TECRL: variants seen among roughly 807,000 people sequenced by gnomAD.
The protein encoded by TECRL is trans-2,3-enoyl-CoA reductase like, also known as trans-2,3-enoyl-CoA reductase-like.
Under a neutral mutation model 52.8 loss-of-function variants are expected in TECRL, and 63 were observed. The observed-to-expected ratio is 1.19, with a 90% CI of 0.97 to 1.47. The LOEUF (loss-of-function observed/expected upper bound fraction) is 1.47, where lower values mean the gene tolerates loss of function less well. Among genes scored for constraint, TECRL ranks in the 40% most tolerant of loss-of-function variants. The pLI is 0.00. For missense variants in TECRL, 482 were observed against 429.6 expected, an observed-to-expected ratio of 1.12 and a Z score of -1.08; for synonymous variants, 164 against 141.9, an observed-to-expected ratio of 1.16 and a Z score of -1.10.
chr4:64,355,520 C>A (rs111584428), intron 2 of TECRL, among the ~76,000 whole-genome samples: 15 of 152,026 alleles, frequency 9.9e-5, no homozygotes, highest in Non-Finnish European at 2.2e-4. Context: ...TAAAACAGGC[C>A]GGGCACCGTG....
intron 8 of TECRL, among the ~76,000 whole-genome samples, chr4:64,293,422 C>T (rs1375779464): frequency 6.6e-6 from 1 of 151,916 alleles, no homozygotes; most frequent in Non-Finnish European, 1.5e-5. Flanking sequence ...TGCAGCATAC[C>T]GTGCTCTACA....
rs1723186446 is a variant in TECRL, at chr4:64,288,305, A to G, written c.832+1405T>C. On this transcript the variant is annotated intron_variant, in intron 9 of 11. Transcript: ENST00000381210. Reference sequence around the variant, plus strand: ...TGAGAGCCTTGAAGATGAGGAGCATAGTGACCGGCTATCAGAAGTTGACAT... The same window carrying G: ...TGAGAGCCTTGAAGATGAGGAGCATGGTGACCGGCTATCAGAAGTTGACAT... Among the ~76,000 whole-genome samples, 3 of 152,148 alleles carry G rather than the reference A, an allele frequency of 2.0e-5. No individual in the cohort carries two copies. The South Asian group carries it at 6.2e-4, about 32-fold the overall frequency.
intron 4 of TECRL, among the ~76,000 whole-genome samples, chr4:64,321,841 G>A (rs1035181644): frequency 2.6e-5 from 4 of 152,048 alleles, no homozygotes; most frequent in African/African-American, 4.8e-5. Flanking sequence ...CTTTTTCATG[G>A]TCAGTTGCCA....
chr4:64,349,421 T>C (rs1577915807), intron 2 of TECRL, among the ~76,000 whole-genome samples: 1 of 152,032 alleles, frequency 6.6e-6, no homozygotes, highest in African/African-American at 2.4e-5. Flanking sequence ...GTGAGCCACC[T>C]CCCCCAGCCT....
chr4:64,402,644 C>T (rs1269062937), intron 1 of TECRL, among the ~76,000 whole-genome samples: 3 of 151,902 alleles, frequency 2.0e-5, no homozygotes, highest in Non-Finnish European at 4.4e-5. Flanking sequence ...TCCTGAAACT[C>T]AAGAAATAAA....
At position 64,373,268 on chromosome 4, in the gene TECRL, C is replaced by A. The variant is rs757979480; in HGVS notation, c.286+1904G>T. On this transcript the variant is annotated intron_variant, in intron 2 of 11. Coordinates refer to ENST00000381210, the MANE Select transcript of TECRL (RefSeq NM_001010874.5). ...ATAATTTTGAAAAAGTGAAAAAAGTCACTATTTAAGTAAAGCTGTTAAAGA... is the reference window on the plus strand; with the variant it reads ...ATAATTTTGAAAAAGTGAAAAAAGTAACTATTTAAGTAAAGCTGTTAAAGA... 2.7e-3 allele frequency among the ~76,000 whole-genome samples: 412 copies of A among 151,442 alleles called. 3 individuals are homozygous for A. The highest frequency in any genetic ancestry group is 2.3e-3 in the South Asian group (11 of 4,810).
chr4:64,329,851 T>C (rs1013099301), intron 2 of TECRL, among the ~76,000 whole-genome samples: 2 of 151,826 alleles, frequency 1.3e-5, no homozygotes, highest in Non-Finnish European at 2.9e-5. Context: ...TTTTAAATAA[T>C]AAATATTTGT....
chr4:64,368,429 G>C (rs2062191), intron 2 of TECRL, among the ~76,000 whole-genome samples: 28 of 151,912 alleles, frequency 1.8e-4, no homozygotes, highest in African/African-American at 6.8e-4. Flanking sequence ...CTGAGTAGCT[G>C]GGATTACAGG....
At chr4:64,315,788 A>T (rs1022908638) in intron 4 of TECRL, among the ~76,000 whole-genome samples, 4 of 152,130 alleles carry the variant, frequency 2.6e-5, no homozygotes, top group African/African-American at 9.6e-5. Context: ...TTTTATATAC[A>T]TACATAATTA....
chr4:64,367,781 T>A (rs182388436), intron 2 of TECRL, among the ~76,000 whole-genome samples: 6 of 152,302 alleles, frequency 3.9e-5, no homozygotes, highest in African/African-American at 1.4e-4. Context: ...TAGAAATTTT[T>A]AAAATTTTTT....
chr4:64,306,944 C>A (rs1265385559), intron 6 of TECRL, among the ~76,000 whole-genome samples: 2 of 152,218 alleles, frequency 1.3e-5, no homozygotes, highest in Non-Finnish European at 2.9e-5. Context: ...TGCCAAGGTG[C>A]CTGACAAGGC....
At chr4:64,326,323 A>G (rs1232317242) in intron 3 of TECRL, among the ~76,000 whole-genome samples, 1 of 152,170 alleles carries the variant, frequency 6.6e-6, no homozygotes, top group East Asian at 1.9e-4. Flanking sequence ...AAAGGTAGGA[A>G]TATACAAAAT....
At chr4:64,302,980 T>C (rs1724108761) in intron 7 of TECRL, among the ~76,000 whole-genome samples, 1 of 151,376 alleles carries the variant, frequency 6.6e-6, no homozygotes, top group Non-Finnish European at 1.5e-5. Context: ...TTTTAAGAAT[T>C]TTTTTGTGCT....
chr4:64,297,020 C>A (rs1723724801), intron 8 of TECRL, among the ~76,000 whole-genome samples: 1 of 151,362 alleles, frequency 6.6e-6, no homozygotes, highest in Non-Finnish European at 1.5e-5. Flanking sequence ...TAGACTATTT[C>A]TTTGGATATA....
chr4:64,365,710 CTGCTG>C (rs1721549594), intron 2 of TECRL, among the ~76,000 whole-genome samples: 2 of 151,920 alleles, frequency 1.3e-5, no homozygotes, highest in South Asian at 2.1e-4. Context: ...TTACAAAACA[CTGCTG>C]AAGGCAATTA....
At chr4:64,371,753 T>C (rs1184958842) in intron 2 of TECRL, among the ~76,000 whole-genome samples, 3 of 151,776 alleles carry the variant, frequency 2.0e-5, no homozygotes, top group African/African-American at 7.2e-5. Context: ...TTGAAGTTCG[T>C]TTCTACTTAC....
intron 2 of TECRL, among the ~76,000 whole-genome samples, chr4:64,349,776 G>A (rs1720253803): frequency 6.6e-6 from 1 of 152,136 alleles, no homozygotes; most frequent in Non-Finnish European, 1.5e-5. Flanking sequence ...CCCATGAATT[G>A]AATTCCAACA....
intron 2 of TECRL, among the ~76,000 whole-genome samples, chr4:64,352,823 T>C (rs545837007): frequency 1.3e-5 from 2 of 152,230 alleles, no homozygotes; most frequent in East Asian, 3.8e-4. Flanking sequence ...ATTTACAGTA[T>C]AGATGACAAA....
intron 3 of TECRL, 29 bp downstream of exon 3, chr4:64,328,483 T>C (rs368744401): frequency 1.3e-6 from 2 of 1,596,368 alleles, no homozygotes; most frequent in African/African-American, 2.7e-5. Flanking sequence ...ATAAATTAAA[T>C]AAACACATCA....
Sources: allele counts gnomAD v4.1 joint callset (sites outside exome capture counted in the v4.1 genomes callset), GRCh38; gene constraint gnomAD v4.1.1; transcripts MANE v1.5; gene names NCBI Gene and HGNC (gene_info 2026-07-23, HGNC 2026-07-21).